Variants in TAOK1 observed in about 807,000 individuals in gnomAD.
TAOK1 encodes TAO kinase 1.
TAOK1 carries 21 observed loss-of-function variants against 138.3 expected under a neutral mutation model. The observed-to-expected ratio is 0.15, with a 90% CI of 0.11 to 0.22. The LOEUF is 0.22. Among genes scored for constraint, TAOK1 ranks in the 10% least tolerant of loss-of-function variants. The probability of loss-of-function intolerance (pLI) is 1.00; values close to 1 mark genes in which losing one functional copy is unlikely to be tolerated. For missense variants in TAOK1, 651 were observed against 1,227.7 expected, an observed-to-expected ratio of 0.53 and a Z score of 7.02; for synonymous variants, 361 against 398.4, an observed-to-expected ratio of 0.91 and a Z score of 1.12.
intron 17 of TAOK1, among the ~76,000 whole-genome samples, chr17:29,529,764 G>C (rs1489527076): frequency 6.6e-6 from 1 of 152,052 alleles, no homozygotes; most frequent in East Asian, 1.9e-4. Flanking sequence ...TATTCGGGAG[G>C]CTGAGACAGG....
At chr17:29,405,717 T>C (rs1904972204) in intron 1 of TAOK1, among the ~76,000 whole-genome samples, 1 of 152,064 alleles carries the variant, frequency 6.6e-6, no homozygotes, top group Non-Finnish European at 1.5e-5. Flanking sequence ...AGGCGGAGTT[T>C]GCAGTGAGCC....
chr17:29,482,019 T>A (rs1410253843), intron 7 of TAOK1, among the ~76,000 whole-genome samples, 178 bp from the exon 8 acceptor site: 1 of 152,164 alleles, frequency 6.6e-6, no homozygotes, highest in East Asian at 1.9e-4. Flanking sequence ...ATATATGCAT[T>A]GCTAAATATT....
chr17:29,467,122 T>C, intron 2 of TAOK1, 23 bp from the exon 3 acceptor site: 1 of 1,520,308 alleles, frequency 6.6e-7, no homozygotes, highest in Non-Finnish European at 8.9e-7. Flanking sequence ...TTTACAGTGC[T>C]TCTTTCTTTC....
At position 29,543,955 on chromosome 17, in the gene TAOK1, G is replaced by GT. The variant is rs2032361411; in HGVS notation, c.*937dup. 6.6e-6 allele frequency: 1 copy of GT among 152,208 alleles called. No individual in the cohort carries two copies. The highest frequency in any genetic ancestry group is 6.6e-5 in the Admixed American group (1 of 15,250). The allele number at this position is 152,208 out of a possible 1,614,324, so 9.4% of individuals were successfully genotyped here. A position where few individuals can be genotyped will look rare whatever the true frequency, so the allele number is the denominator to read the frequency against. On this transcript the variant is annotated 3_prime_UTR_variant, in exon 20 of 20. Transcript: ENST00000261716. The stretch of plus-strand genomic sequence containing the variant: ...GGAGATGAAGCTTACGTGTCCTGAC[G>GT]TTTTGTTGCTTATACTGTGATATCT...
At chr17:29,525,263 C>G (rs1294939641) in intron 17 of TAOK1, among the ~76,000 whole-genome samples, 2 of 152,130 alleles carry the variant, frequency 1.3e-5, no homozygotes, top group African/African-American at 4.8e-5. Context: ...CAGGTGCACA[C>G]CACCACGCCC....
rs189853250 is a variant in TAOK1, at chr17:29,402,224, G to A, written c.-95+11200G>A. On this transcript the variant is annotated intron_variant, in intron 1 of 19. Transcript: ENST00000261716. Reference sequence around the variant, plus strand: ...TTCTGAGGTTTTTGTATTAAGGAACGTGTTATCAGATATCTAATGTCACAC... The same window carrying A: ...TTCTGAGGTTTTTGTATTAAGGAACATGTTATCAGATATCTAATGTCACAC... Among the ~76,000 whole-genome samples, 15 of 152,270 alleles carry A rather than the reference G, an allele frequency of 9.9e-5. No homozygotes were observed. The East Asian group carries it at 1.9e-3, about 20-fold the overall frequency.
chr17:29,489,323 C>T (rs950832416), intron 8 of TAOK1, among the ~76,000 whole-genome samples: 1 of 151,920 alleles, frequency 6.6e-6, no homozygotes, highest in Admixed American at 6.6e-5. Context: ...CATGGTGAAA[C>T]CCCATCTCTA....
intron 1 of TAOK1, among the ~76,000 whole-genome samples, chr17:29,420,416 A>G: frequency 6.6e-6 from 1 of 151,354 alleles, no homozygotes; most frequent in Admixed American, 6.6e-5. Context: ...GTGGACTGGG[A>G]TTTTCTGTGT....
At chr17:29,532,494 C>G (rs968306826) in intron 18 of TAOK1, among the ~76,000 whole-genome samples, 1 of 151,948 alleles carries the variant, frequency 6.6e-6, no homozygotes, top group Non-Finnish European at 1.5e-5. Flanking sequence ...GACCCTTCGG[C>G]CTTCCCAGTG....
intron 10 of TAOK1, among the ~76,000 whole-genome samples, chr17:29,494,683 G>A (rs562100392): frequency 1.1e-4 from 17 of 151,922 alleles, no homozygotes; most frequent in South Asian, 4.2e-4. Context: ...AAAATTAGCC[G>A]GGTGTGGTGG....
intron 1 of TAOK1, among the ~76,000 whole-genome samples, chr17:29,431,002 G>A (rs941025773): frequency 6.6e-6 from 1 of 152,148 alleles, no homozygotes; most frequent in Non-Finnish European, 1.5e-5. Flanking sequence ...GGAATTTTGG[G>A]AGTGGATACC....
rs1037315021 is a variant in TAOK1 at position 29,551,704 on chromosome 17, C to A, written c.*8682C>A. Reference sequence around the variant, plus strand: ...TATTGTACAGTATATTGTCAGTATTCTTCTGGTTCAGCATACCTTATAGTT... The same window carrying A: ...TATTGTACAGTATATTGTCAGTATTATTCTGGTTCAGCATACCTTATAGTT... On this transcript the variant is annotated 3_prime_UTR_variant, in exon 20 of 20. Transcript: ENST00000261716. 1 of 152,544 alleles carries A rather than the reference C, an allele frequency of 6.6e-6. No individual in the cohort carries two copies. The highest frequency in any genetic ancestry group is 1.9e-4 in the East Asian group (1 of 5,198). 9.4% of individuals were successfully genotyped at this position (152,544 alleles called of 1,614,324 possible). A position where few individuals can be genotyped will look rare whatever the true frequency, so the allele number is the denominator to read the frequency against.
intron 1 of TAOK1, among the ~76,000 whole-genome samples, chr17:29,445,812 A>G (rs980529116): frequency 7.2e-5 from 11 of 152,200 alleles, no homozygotes; most frequent in Non-Finnish European, 1.2e-4. Flanking sequence ...CATCAATGTC[A>G]TGATGGCTTC....
intron 2 of TAOK1, among the ~76,000 whole-genome samples, chr17:29,454,911 C>T (rs1442975302): frequency 6.6e-6 from 1 of 151,662 alleles, no homozygotes; most frequent in East Asian, 1.9e-4. Flanking sequence ...CTGTGTTAGC[C>T]AGGATGGTAT....
At chr17:29,471,593 TA>T (rs1216849805) in intron 3 of TAOK1, among the ~76,000 whole-genome samples, 1 of 151,902 alleles carries the variant, frequency 6.6e-6, no homozygotes, top group South Asian at 2.1e-4. Flanking sequence ...ATTTTATTTC[TA>T]AAAAAAAGTT....
At chr17:29,492,531 G>A (rs377656499) in intron 10 of TAOK1, among the ~76,000 whole-genome samples, 87 of 152,190 alleles carry the variant, frequency 5.7e-4, no homozygotes, top group African/African-American at 1.9e-3. Flanking sequence ...GGTGGCTCAC[G>A]CCTGTAATCC....
intron 10 of TAOK1, among the ~76,000 whole-genome samples, chr17:29,493,973 G>T (rs1388997059): frequency 6.6e-6 from 1 of 151,978 alleles, no homozygotes; most frequent in Non-Finnish European, 1.5e-5. Context: ...CTGGAGTGCA[G>T]TTACATGATC....
intron 8 of TAOK1, among the ~76,000 whole-genome samples, chr17:29,484,065 T>C (rs2031118937): frequency 2.6e-5 from 4 of 152,236 alleles, no homozygotes; most frequent in Admixed American, 2.6e-4. Flanking sequence ...AAGGTATTTG[T>C]TGGCTCATTG....
At chr17:29,478,918 C>T (rs8074804) in intron 6 of TAOK1, among the ~76,000 whole-genome samples, 24,321 of 152,080 alleles carry the variant, frequency 0.16, 2,070 homozygotes, top group Admixed American at 0.21. Context: ...GTCAGGAGTT[C>T]GAGACCAGCC....
Sources: gnomAD v4.1 joint callset for allele counts (sites outside exome capture counted in the v4.1 genomes callset) on GRCh38, gnomAD v4.1.1 for gene constraint, MANE v1.5 for transcripts, NCBI Gene and HGNC (gene_info 2026-07-23, HGNC 2026-07-21) for gene names.